CNTN4: variants seen among roughly 807,000 people sequenced by gnomAD.
CNTN4 encodes the protein contactin 4.
In CNTN4, 77 loss-of-function variants were observed where a neutral mutation model predicts 122.5. The ratio of observed to expected loss-of-function variants is 0.63; its 90% confidence interval spans 0.52 to 0.76. CNTN4 has a LOEUF of 0.76. Among genes scored for constraint, CNTN4 ranks in the 30% least tolerant of loss-of-function variants. The pLI is 0.00. For missense variants in CNTN4, 1,256 were observed against 1,259.1 expected (o/e 1.00, Z 0.04); for synonymous variants, 512 against 447.0 (o/e 1.15, Z -1.83).
intron 7 of CNTN4, among the ~76,000 whole-genome samples, chr3:2,852,467 A>G (rs1325939014): frequency 6.6e-6 from 1 of 152,184 alleles, no homozygotes; most frequent in Non-Finnish European, 1.5e-5. Context: ...TCATCAAATG[A>G]TTCTATTCAC....
intron 3 of CNTN4, among the ~76,000 whole-genome samples, chr3:2,444,948 C>CTGAAT (rs935181633): frequency 1.3e-5 from 2 of 151,758 alleles, no homozygotes; most frequent in African/African-American, 4.8e-5. Flanking sequence ...TTAGAATTTC[C>CTGAAT]TACCTCACAT....
chr3:2,221,673 A>T (rs1035002501), intron 2 of CNTN4, among the ~76,000 whole-genome samples: 1 of 152,158 alleles, frequency 6.6e-6, no homozygotes, highest in African/African-American at 2.4e-5. Context: ...ACTAGAATAC[A>T]TAAAATCTCT....
At chr3:2,540,328 C>A (rs905891023) in intron 3 of CNTN4, among the ~76,000 whole-genome samples, 1 of 151,752 alleles carries the variant, frequency 6.6e-6, no homozygotes, top group South Asian at 2.1e-4. Flanking sequence ...TTGGCACCAC[C>A]CAGCTGAGTC....
At chr3:2,706,888 ACACT>A (rs1190381999) in intron 4 of CNTN4, among the ~76,000 whole-genome samples, 2 of 152,170 alleles carry the variant, frequency 1.3e-5, no homozygotes, top group African/African-American at 4.8e-5. Flanking sequence ...TGTAAAATAA[ACACT>A]CATTAAATTG....
chr3:2,523,623 C>G (rs529284223), intron 3 of CNTN4, among the ~76,000 whole-genome samples: 20 of 152,064 alleles, frequency 1.3e-4, no homozygotes, highest in Non-Finnish European at 2.5e-4. Context: ...AAAGGTTACC[C>G]TCTGTAAGAA....
chr3:2,986,217 G>A (rs533224042), intron 13 of CNTN4, among the ~76,000 whole-genome samples: 9 of 151,934 alleles, frequency 5.9e-5, no homozygotes, highest in Admixed American at 1.3e-4. Flanking sequence ...ACCCAGCCTC[G>A]CAAACACAAT....
intron 6 of CNTN4, among the ~76,000 whole-genome samples, chr3:2,764,990 C>A (rs1343735965): frequency 6.6e-6 from 1 of 152,180 alleles, no homozygotes; most frequent in Admixed American, 6.5e-5. Context: ...AATCACCACA[C>A]TATACTGGCT....
At chr3:2,804,084 C>T (rs2092409584) in intron 6 of CNTN4, among the ~76,000 whole-genome samples, 1 of 151,394 alleles carries the variant, frequency 6.6e-6, no homozygotes, top group Non-Finnish European at 1.5e-5. Context: ...CACACACACA[C>T]ACACACACAC....
intron 12 of CNTN4, 105 bp downstream of exon 12, chr3:2,903,110 G>T (rs2151153220): frequency 1.7e-6 from 2 of 1,155,540 alleles, no homozygotes; most frequent in African/African-American, 3.1e-5. Context: ...AAGGAGTAAA[G>T]AAATCTTTAG....
chr3:2,447,054 A>G (rs528428361), intron 3 of CNTN4, among the ~76,000 whole-genome samples: 37 of 152,330 alleles, frequency 2.4e-4, no homozygotes, highest in Non-Finnish European at 4.4e-4. Flanking sequence ...AGAAAAAATT[A>G]TGGGAGTTTC....
At chr3:2,705,381 AAG>A (rs2086602797) in intron 4 of CNTN4, among the ~76,000 whole-genome samples, 1 of 139,436 alleles carries the variant, frequency 7.2e-6, no homozygotes, top group Non-Finnish European at 1.5e-5. Context: ...AAAAAAAAAA[AAG>A]AATTCTCAGC....
intron 12 of CNTN4, among the ~76,000 whole-genome samples, chr3:2,917,332 G>A (rs1171949146): frequency 4.7e-5 from 6 of 127,126 alleles, no homozygotes; most frequent in Middle Eastern, 4.0e-3. Flanking sequence ...GGTGGAAAGC[G>A]GAATAGGGAG....
chr3:2,392,808 C>T (rs11714046), intron 3 of CNTN4, among the ~76,000 whole-genome samples: 56 of 151,842 alleles, frequency 3.7e-4, no homozygotes, highest in African/African-American at 1.3e-3. Context: ...CTATTAGTTT[C>T]CTAGGACTCT....
In CNTN4 at chr3:3,057,343, G is replaced by A. The variant is rs565825287; in HGVS notation, c.*1123G>A. The stretch of plus-strand genomic sequence containing the variant: ...TCTATAAAAGCTCTTTAGTACAATT[G>A]TATGGTTTCTTGATGATTCTGTTTT... On this transcript the variant is annotated 3_prime_UTR_variant, in exon 25 of 25. Coordinates refer to ENST00000418658, the MANE Select transcript of CNTN4 (RefSeq NM_175607.3). 8 of 152,572 alleles carry A rather than the reference G, an allele frequency of 5.2e-5. No individual in the cohort carries two copies. The highest frequency in any genetic ancestry group is 1.2e-4 in the Non-Finnish European group (8 of 68,014). 9.5% of individuals were successfully genotyped at this position (152,572 alleles called of 1,614,324 possible).
At chr3:2,869,186 A>G (rs866094557) in intron 8 of CNTN4, among the ~76,000 whole-genome samples, 2 of 152,218 alleles carry the variant, frequency 1.3e-5, no homozygotes, top group South Asian at 4.1e-4. Context: ...AGCGAATTGT[A>G]TGCAAAAGAG....
At chr3:2,167,775 T>C (rs1559304680) in intron 2 of CNTN4, among the ~76,000 whole-genome samples, 1 of 152,244 alleles carries the variant, frequency 6.6e-6, no homozygotes, top group Non-Finnish European at 1.5e-5. Context: ...TGGCCCATTT[T>C]AATATGTCCA....
chr3:2,337,624 C>G (rs1254664275), intron 2 of CNTN4, among the ~76,000 whole-genome samples: 4 of 151,924 alleles, frequency 2.6e-5, no homozygotes, highest in Non-Finnish European at 5.9e-5. Context: ...ATATCCCATC[C>G]CAAGAAATTT....
chr3:2,885,878 G>A (rs2093969525), intron 9 of CNTN4, among the ~76,000 whole-genome samples: 1 of 152,156 alleles, frequency 6.6e-6, no homozygotes, highest in African/African-American at 2.4e-5. Flanking sequence ...TGGAAGGCTG[G>A]TGTCACTGAG....
intron 9 of CNTN4, 142 bp from the exon 10 acceptor site, chr3:2,886,898 G>C (rs1577158766): frequency 1.5e-6 from 1 of 662,626 alleles, no homozygotes; most frequent in African/African-American, 1.8e-5. Context: ...TATGATTAAA[G>C]TTATAATGGA....
Sources: gnomAD v4.1 joint callset for allele counts (sites outside exome capture counted in the v4.1 genomes callset) on GRCh38, gnomAD v4.1.1 for gene constraint, MANE v1.5 for transcripts, NCBI Gene and HGNC (gene_info 2026-07-23, HGNC 2026-07-21) for gene names.